Variants in FRMD5 observed in about 807,000 individuals in gnomAD.
FRMD5 encodes FERM domain-containing protein 5.
In FRMD5, 20 loss-of-function variants were observed where a neutral mutation model predicts 69.0. That is an observed-to-expected ratio of 0.29 (90% CI 0.20 to 0.42). The LOEUF (loss-of-function observed/expected upper bound fraction) is 0.42, where lower values mean the gene tolerates loss of function less well. FRMD5 is among the 10% of genes least tolerant of loss of function. FRMD5 has a pLI of 1.00. For missense variants in FRMD5, 595 were observed against 708.6 expected (o/e 0.84, Z 1.82); for synonymous variants, 271 against 260.1 (o/e 1.04, Z -0.40).
At chr15:43,912,807 C>G (rs527522110) in intron 4 of FRMD5, among the ~76,000 whole-genome samples, 2 of 145,014 alleles carry the variant, frequency 1.4e-5, no homozygotes, top group East Asian at 4.1e-4. Flanking sequence ...CACCTGAGGT[C>G]AAGAGTTCGA....
intron 5 of FRMD5, among the ~76,000 whole-genome samples, chr15:43,909,164 G>A (rs932368160): frequency 1.3e-5 from 2 of 152,022 alleles, no homozygotes; most frequent in East Asian, 1.9e-4. Flanking sequence ...GGAGGCTGAG[G>A]CAGGTGGATC....
In FRMD5 at chr15:44,045,287, G is replaced by C. The variant is rs1892378582; in HGVS notation, c.103-120978C>G. On this transcript the variant is annotated intron_variant, in intron 1 of 13. Coordinates refer to ENST00000417257, the MANE Select transcript of FRMD5 (RefSeq NM_032892.5). ...AAATAATTAGCAAATTCCACCATTT[G>C]TCCTAGATATTTTCCAATTTAACCT... Among the ~76,000 whole-genome samples, 3 of 152,276 alleles carry C rather than the reference G, an allele frequency of 2.0e-5. No homozygotes were observed. In the South Asian group the frequency reaches 6.2e-4, roughly 32 times the overall value.
At chr15:43,877,796 G>C (rs1392134217) in intron 13 of FRMD5, among the ~76,000 whole-genome samples, 1 of 152,162 alleles carries the variant, frequency 6.6e-6, no homozygotes, top group Non-Finnish European at 1.5e-5. Flanking sequence ...GGTAGTGAGG[G>C]CAAGAGGTTA....
Position 44,058,785 on chromosome 15 carries a change from C to CAAA in FRMD5, c.103-134479_103-134477dup, listed in dbSNP as rs34213454. On this transcript the variant is annotated intron_variant, in intron 1 of 13. Transcript: ENST00000417257. ...TGGGCGACAGAGTGAGACTCCGTCTCAAAAAAAAAAAAAAAAGAAGAAGAA... is the reference window on the plus strand; with the variant it reads ...TGGGCGACAGAGTGAGACTCCGTCTCAAAAAAAAAAAAAAAAAAAGAAGAAGAA... Among the ~76,000 whole-genome samples, 345 of 122,656 alleles carry CAAA rather than the reference C, an allele frequency of 2.8e-3. 8 individuals carry two copies. Among genetic ancestry groups the CAAA allele is most frequent in the Non-Finnish European group, 4.4e-3 (272 of 61,566 alleles). The allele number at this position is 122,656 out of a possible 152,430, so 80.5% of individuals were successfully genotyped here.
At chr15:44,093,639 C>T (rs1342989302) in intron 1 of FRMD5, among the ~76,000 whole-genome samples, 1 of 150,970 alleles carries the variant, frequency 6.6e-6, no homozygotes, top group Non-Finnish European at 1.5e-5. Flanking sequence ...GTGGCGCCGT[C>T]TCAGCTCACT....
intron 1 of FRMD5, among the ~76,000 whole-genome samples, chr15:43,980,597 TG>T (rs1380460965): frequency 6.6e-6 from 1 of 152,202 alleles, no homozygotes; most frequent in Non-Finnish European, 1.5e-5. Flanking sequence ...ACACCATTCT[TG>T]TCTCTTGACA....
At chr15:43,976,841 T>C (rs888193133) in intron 1 of FRMD5, among the ~76,000 whole-genome samples, 2 of 151,838 alleles carry the variant, frequency 1.3e-5, no homozygotes, top group Middle Eastern at 3.2e-3. Flanking sequence ...TTTTTTTTTT[T>C]TTTCTTTTGA....
intron 1 of FRMD5, among the ~76,000 whole-genome samples, chr15:44,160,972 T>C (rs777419873): frequency 2.0e-4 from 30 of 152,230 alleles, no homozygotes; most frequent in South Asian, 6.2e-4. Flanking sequence ...TACCATATTG[T>C]ACAAGAGAGG....
chr15:43,874,053 C>G lies in FRMD5; in HGVS notation c.1545G>C (p.Leu515Phe). The change falls in exon 14 of 14, where the codon TTG (leucine) becomes TTC (phenylalanine). Residue 515 changes from leucine to phenylalanine, a missense_variant. Leu to Phe is a conservative substitution (Grantham distance 22). Transcript: ENST00000417257. ...CGGTAAGGATGATCAGGAGGAGGAG[C>G]AAAACAAAGAGGAGTCCCATGGTCA... ...LLVTMGLLFV[L>F]LLLLIILTES... 1 of 1,614,178 alleles carries G rather than the reference C, an allele frequency of 6.2e-7. No individual in the cohort carries two copies. Among genetic ancestry groups the G allele is most frequent in the Non-Finnish European group, 8.5e-7 (1 of 1,180,028 alleles).
At chr15:43,945,498 T>C (rs902309984) in intron 1 of FRMD5, among the ~76,000 whole-genome samples, 2 of 152,310 alleles carry the variant, frequency 1.3e-5, no homozygotes, top group Admixed American at 1.3e-4. Flanking sequence ...ATGAAATTAC[T>C]TTTACTTGTT....
At chr15:44,056,920 A>G (rs1892892289) in intron 1 of FRMD5, among the ~76,000 whole-genome samples, 2 of 152,148 alleles carry the variant, frequency 1.3e-5, no homozygotes, top group South Asian at 4.1e-4. Flanking sequence ...AATTAACTAT[A>G]TACCCAGAGC....
intron 2 of FRMD5, 96 bp from the exon 3 acceptor site, chr15:43,919,905 C>G: frequency 8.6e-7 from 1 of 1,158,694 alleles, no homozygotes; most frequent in Non-Finnish European, 1.3e-6. Context: ...AGATTGTAGC[C>G]TAGGGTGAAA....
intron 1 of FRMD5, among the ~76,000 whole-genome samples, chr15:44,068,569 G>C (rs1893406361): frequency 6.6e-6 from 1 of 152,198 alleles, no homozygotes; most frequent in South Asian, 2.1e-4. Flanking sequence ...AAGCAGATTA[G>C]TGGTTTCCAG....
At chr15:43,906,897 G>A (rs570979413) in intron 5 of FRMD5, among the ~76,000 whole-genome samples, 1 of 152,094 alleles carries the variant, frequency 6.6e-6, no homozygotes, top group Non-Finnish European at 1.5e-5. Context: ...CACCGCACCC[G>A]GCCGAGAAGC....
At chr15:44,162,872 A>G (rs1269188444) in intron 1 of FRMD5, among the ~76,000 whole-genome samples, 2 of 144,072 alleles carry the variant, frequency 1.4e-5, no homozygotes, top group Admixed American at 1.4e-4. Context: ...CGTCTCAAAA[A>G]AAAAAAAAAA....
chr15:44,157,003 G>T (rs189478294), intron 1 of FRMD5, among the ~76,000 whole-genome samples: 1 of 152,246 alleles, frequency 6.6e-6, no homozygotes, highest in East Asian at 1.9e-4. Flanking sequence ...GGAATTGGAG[G>T]TCAGGGATGA....
chr15:44,108,935 T>G (rs2076757790), intron 1 of FRMD5, among the ~76,000 whole-genome samples: 1 of 149,758 alleles, frequency 6.7e-6, no homozygotes, highest in African/African-American at 2.5e-5. Context: ...CATTCCAGCC[T>G]GGGCAACAGA....
chr15:44,163,038 G>C (rs1212349871), intron 1 of FRMD5, among the ~76,000 whole-genome samples: 1 of 152,100 alleles, frequency 6.6e-6, no homozygotes, highest in Non-Finnish European at 1.5e-5. Context: ...AGCAGGCGTG[G>C]TGGCGGGCGC....
intron 1 of FRMD5, among the ~76,000 whole-genome samples, chr15:44,192,230 A>AT (rs1420216264): frequency 6.6e-6 from 1 of 152,126 alleles, no homozygotes; most frequent in Non-Finnish European, 1.5e-5. Flanking sequence ...AGATCGGAAT[A>AT]AATGCTGCAT....
Sources: allele counts gnomAD v4.1 joint callset (sites outside exome capture counted in the v4.1 genomes callset), GRCh38; gene constraint gnomAD v4.1.1; transcripts MANE v1.5; gene names NCBI Gene and HGNC (gene_info 2026-07-23, HGNC 2026-07-21).